The following GLRA3 variants were observed in gnomAD, a reference collection of about 807,000 sequenced individuals.
GLRA3 encodes the protein glycine receptor alpha 3.
GLRA3 carries 44 observed loss-of-function variants against 60.4 expected under a neutral mutation model. The ratio of observed to expected loss-of-function variants is 0.73; its 90% CI spans 0.57 to 0.94. GLRA3 has a LOEUF of 0.94. Among genes scored for constraint, GLRA3 ranks in the 40% least tolerant of loss-of-function variants. The pLI is 0.00. For missense variants in GLRA3, 508 were observed against 564.6 expected (o/e 0.90, Z 1.02); for synonymous variants, 223 against 192.9 (o/e 1.16, Z -1.29).
chr4:174,811,139 AC>A (rs1250833552), intron 1 of GLRA3, among the ~76,000 whole-genome samples: 2 of 150,032 alleles, frequency 1.3e-5, no homozygotes, highest in Non-Finnish European at 3.0e-5. Context: ...ACTCACACAG[AC>A]ACAGACACAC....
intron 1 of GLRA3, among the ~76,000 whole-genome samples, chr4:174,802,203 T>A (rs1399366342): frequency 1.3e-5 from 2 of 152,072 alleles, no homozygotes; most frequent in Middle Eastern, 3.4e-3. Flanking sequence ...TGCTGATGAA[T>A]AATAAAAATA....
At chr4:174,666,753 T>TAA (rs1733683726) in intron 7 of GLRA3, among the ~76,000 whole-genome samples, 1 of 77,246 alleles carries the variant, frequency 1.3e-5, no homozygotes, top group Non-Finnish European at 2.3e-5. Flanking sequence ...TATATATATA[T>TAA]ATATATTATA....
intron 3 of GLRA3, among the ~76,000 whole-genome samples, chr4:174,750,929 A>G (rs917158395): frequency 6.6e-6 from 1 of 152,112 alleles, no homozygotes; most frequent in African/African-American, 2.4e-5. Flanking sequence ...TCAAATTCTT[A>G]GGGGAAGTTT....
At chr4:174,737,848 C>T (rs906058983) in intron 3 of GLRA3, among the ~76,000 whole-genome samples, 8 of 152,106 alleles carry the variant, frequency 5.3e-5, no homozygotes, top group Admixed American at 4.6e-4. Context: ...TACATTTTAA[C>T]TGATATTTAA....
At chr4:174,755,870 G>A (rs1420624565) in intron 3 of GLRA3, among the ~76,000 whole-genome samples, 2 of 151,948 alleles carry the variant, frequency 1.3e-5, no homozygotes, top group African/African-American at 2.4e-5. Flanking sequence ...CTATCAGAAC[G>A]AATAAAAATA....
At chr4:174,735,735 A>G (rs1736759954) in intron 3 of GLRA3, among the ~76,000 whole-genome samples, 1 of 151,746 alleles carries the variant, frequency 6.6e-6, no homozygotes, top group Non-Finnish European at 1.5e-5. Flanking sequence ...TAATTTTTGG[A>G]TTTTTTAGCA....
chr4:174,736,159 A>G (rs1736778103), intron 3 of GLRA3, among the ~76,000 whole-genome samples: 2 of 152,088 alleles, frequency 1.3e-5, no homozygotes, highest in South Asian at 2.1e-4. Context: ...AGACATTCTA[A>G]CTACTGTGTT....
At chr4:174,739,655 CT>C (rs1191591775) in intron 3 of GLRA3, among the ~76,000 whole-genome samples, 4 of 152,258 alleles carry the variant, frequency 2.6e-5, no homozygotes, top group Admixed American at 2.6e-4. Flanking sequence ...GCACCATTGG[CT>C]TCATTTGAAA....
intron 7 of GLRA3, among the ~76,000 whole-genome samples, chr4:174,669,603 T>A (rs965022956): frequency 6.6e-6 from 1 of 152,100 alleles, no homozygotes; most frequent in African/African-American, 2.4e-5. Flanking sequence ...TGTGAAAGGG[T>A]TTTTCTCTGT....
chr4:174,659,159 T>C lies in GLRA3; in HGVS notation c.966A>G (p.Val322=). 6.2e-7 allele frequency: 1 copy of C among 1,611,928 alleles called. No homozygotes were observed. ...YVKAIDIWMA[V]CLLFVFSALL... The stretch of plus-strand genomic sequence containing the variant: ...GTGCTGAAAACACAAAAAGGAGGCA[T>C]ACTGCCATCCAAATATCAATAGCTT... Residue 322 remains valine, a synonymous_variant, in exon 8 of 10, where the codon GTA becomes GTG. Coordinates refer to ENST00000274093, the MANE Select transcript of GLRA3 (RefSeq NM_006529.4).
At chr4:174,793,583 G>A (rs1739449184) in intron 1 of GLRA3, among the ~76,000 whole-genome samples, 1 of 151,854 alleles carries the variant, frequency 6.6e-6, no homozygotes, top group Non-Finnish European at 1.5e-5. Context: ...CGCCTAATGG[G>A]GTCTCACTAT....
intron 9 of GLRA3, among the ~76,000 whole-genome samples, chr4:174,651,006 T>G (rs1733004090): frequency 6.6e-6 from 1 of 152,182 alleles, no homozygotes; most frequent in Non-Finnish European, 1.5e-5. Context: ...TTCTGGAGGA[T>G]TCAGTGGCTT....
chr4:174,788,590 T>TAAAAAAAAAAAAAAAAAAAA (rs35640897), intron 2 of GLRA3, among the ~76,000 whole-genome samples: 4 of 87,866 alleles, frequency 4.6e-5, no homozygotes, highest in African/African-American at 8.6e-5. Context: ...GTTAGAGAAG[T>TAAAAAAAAAAAAAAAAAAAA]AAAAAAAAAA....
intron 3 of GLRA3, among the ~76,000 whole-genome samples, chr4:174,742,127 AT>A (rs1270977445): frequency 6.6e-6 from 1 of 152,142 alleles, no homozygotes; most frequent in Admixed American, 6.5e-5. Flanking sequence ...AATTTTAAAA[AT>A]AATAGTTAAA....
intron 2 of GLRA3, among the ~76,000 whole-genome samples, chr4:174,770,823 T>C (rs2101342): frequency 0.074 from 11,267 of 151,884 alleles, 790 homozygotes; most frequent in East Asian, 0.38. Flanking sequence ...TGTGCCACTA[T>C]GTGGGAGAGG....
At chr4:174,660,893 G>A (rs1301211798) in intron 7 of GLRA3, among the ~76,000 whole-genome samples, 2 of 152,104 alleles carry the variant, frequency 1.3e-5, no homozygotes, top group African/African-American at 4.8e-5. Flanking sequence ...ACATTATTCT[G>A]GATTGGGCCA....
intron 2 of GLRA3, among the ~76,000 whole-genome samples, chr4:174,772,365 G>T (rs1385304110): frequency 6.6e-6 from 1 of 152,068 alleles, no homozygotes; most frequent in East Asian, 1.9e-4. Flanking sequence ...AACTCACAAT[G>T]GTCTCAGGCC....
chr4:174,747,834 C>T (rs1263249967), intron 3 of GLRA3, among the ~76,000 whole-genome samples: 2 of 136,260 alleles, frequency 1.5e-5, no homozygotes, highest in Non-Finnish European at 3.2e-5. Flanking sequence ...ACTGATTAGA[C>T]TACTGTGTCA....
At chr4:174,663,796 A>G (rs868149012) in intron 7 of GLRA3, among the ~76,000 whole-genome samples, 10 of 152,084 alleles carry the variant, frequency 6.6e-5, no homozygotes, top group African/African-American at 1.9e-4. Flanking sequence ...CGCACTCCCC[A>G]TGGATTCAGA....
Sources: gnomAD v4.1 joint callset for allele counts (sites outside exome capture counted in the v4.1 genomes callset) on GRCh38, gnomAD v4.1.1 for gene constraint, MANE v1.5 for transcripts, NCBI Gene and HGNC (gene_info 2026-07-23, HGNC 2026-07-21) for gene names.